The following FBXO31 variants were observed in gnomAD, a reference collection of about 807,000 sequenced individuals.
The protein encoded by FBXO31 is F-box protein 31, also known as F-box only protein 31.
In FBXO31, 24 loss-of-function variants were observed where a neutral mutation model predicts 54.4. That is an observed-to-expected ratio of 0.44 (90% CI 0.32 to 0.62). The LOEUF is 0.62. Ranked by LOEUF, FBXO31 falls within the 20% of genes least tolerant of loss-of-function variation. The pLI, the probability that FBXO31 is intolerant of heterozygous loss-of-function variation, is 0.05. For synonymous variants in FBXO31, 388 were observed against 335.6 expected (o/e 1.16, Z -1.71); for missense variants, 665 against 787.1 (o/e 0.84, Z 1.86).
Position 87,335,774 on chromosome 16 carries a change from T to A in FBXO31, c.843-317A>T, listed in dbSNP as rs1375721951. On this transcript the variant is annotated intron_variant, in intron 6 of 8. Transcript: ENST00000311635. The surrounding 1 kb of genome is among the most constrained non-coding windows in gnomAD (Gnocchi z 5.7). ...CAGGAGAAAGGAGCCCAAGTCACCA[T>A]GGAGGGGATCCCCGCACTGGGCTGA... 6.6e-6 allele frequency among the ~76,000 whole-genome samples: 1 copy of A among 152,102 alleles called. No individual in the cohort carries two copies. The highest frequency in any genetic ancestry group is 1.5e-5 in the Non-Finnish European group (1 of 67,974).
In FBXO31 at chr16:87,346,554, C is replaced by T. The variant is rs373344328; in HGVS notation, c.489+620G>A. On this transcript the variant is annotated intron_variant, in intron 3 of 8. Coordinates refer to ENST00000311635, the MANE Select transcript of FBXO31 (RefSeq NM_024735.5). This position sits in a 1 kb window ranked among gnomAD's most constrained non-coding sequence, Gnocchi z 4.2. ...AACGAACAGGAAAGAAATGTCCTCA[C>T]GGGTCCTCAGACCCCAACGGCAAGC... Among the ~76,000 whole-genome samples the T allele has an allele frequency of 1.3e-5, 2 of 152,308 alleles. No individual in the cohort carries two copies. Among genetic ancestry groups the T allele is most frequent in the South Asian group, 2.1e-4 (1 of 4,824 alleles).
chr16:87,363,105 C>G (rs141029627), intron 1 of FBXO31, among the ~76,000 whole-genome samples: 10 of 151,930 alleles, frequency 6.6e-5, no homozygotes, highest in African/African-American at 2.2e-4. Flanking sequence ...AAAACAAAAG[C>G]CGGGCGCGGT....
In FBXO31 at chr16:87,331,258, C is replaced by G. The variant is rs750671950; in HGVS notation, c.*30G>C. Reference sequence around the variant, plus strand: ...GTCAGAGTTCAGAGCCCCAGAGCCACCCGGGATGTGGCGGCAAGGATGTGG... The same window carrying G: ...GTCAGAGTTCAGAGCCCCAGAGCCAGCCGGGATGTGGCGGCAAGGATGTGG... On this transcript the variant is annotated 3_prime_UTR_variant, in exon 9 of 9. Transcript: ENST00000311635. 9 of 1,604,742 alleles carry G rather than the reference C, an allele frequency of 5.6e-6. No individual in the cohort carries two copies. Among genetic ancestry groups the G allele is most frequent in the South Asian group, 1.1e-5 (1 of 90,710 alleles).
At chr16:87,382,542 G>A (rs1369273373) in intron 1 of FBXO31, among the ~76,000 whole-genome samples, 1 of 152,174 alleles carries the variant, frequency 6.6e-6, no homozygotes, top group African/African-American at 2.4e-5. Flanking sequence ...GAAGGCAAAA[G>A]TCCAGCCCGC....
intron 2 of FBXO31, among the ~76,000 whole-genome samples, chr16:87,351,895 T>C (rs1905676714): frequency 6.6e-6 from 1 of 151,830 alleles, no homozygotes; most frequent in Non-Finnish European, 1.5e-5. Context: ...TATATATACA[T>C]CAGCTTCACA....
chr16:87,333,324 C>A (rs1904927715), intron 8 of FBXO31, among the ~76,000 whole-genome samples: 1 of 152,246 alleles, frequency 6.6e-6, no homozygotes, highest in Non-Finnish European at 1.5e-5. Flanking sequence ...GCCACCAAGG[C>A]ACTGGCCCGG....
At position 87,379,400 on chromosome 16, in the gene FBXO31, G is replaced by A. The variant is rs143142839; in HGVS notation, c.340+4005C>T. Among the ~76,000 whole-genome samples, 592 of 152,292 alleles carry A rather than the reference G, an allele frequency of 3.9e-3. 5 individuals are homozygous for A. The highest frequency in any genetic ancestry group is 0.014 in the African/African-American group (570 of 41,556). On this transcript the variant is annotated intron_variant, in intron 1 of 8. Transcript: ENST00000311635. ...TGGGGTAGGTACAAGGAGTGTGGAG[G>A]AATTCATCTTAAACAGGCTTGTTTA... is the stretch of plus-strand genomic sequence containing the variant.
At chr16:87,374,100 G>C (rs918871164) in intron 1 of FBXO31, among the ~76,000 whole-genome samples, 1 of 152,120 alleles carries the variant, frequency 6.6e-6, no homozygotes. Flanking sequence ...AATGTAGCCA[G>C]GTGTGGTGGC....
chr16:87,349,531 G>A lies in FBXO31; in HGVS notation c.413-2281C>T, dbSNP rs183153723. Among the ~76,000 whole-genome samples the A allele has an allele frequency of 6.4e-3, 976 of 152,276 alleles. 4 individuals carry two copies. Among genetic ancestry groups the A allele is most frequent in the Middle Eastern group, 0.014 (4 of 294 alleles). On this transcript the variant is annotated intron_variant, in intron 2 of 8. Transcript: ENST00000311635. The stretch of plus-strand genomic sequence containing the variant: ...TCGAGACCAGCCTGGCCAACATGGT[G>A]AAACCCCGTCTCTACTTAAAATACA...
At chr16:87,347,427 C>G (rs1286852925) in intron 2 of FBXO31, among the ~76,000 whole-genome samples, 177 bp from the exon 3 acceptor site, 1 of 152,162 alleles carries the variant, frequency 6.6e-6, no homozygotes, top group African/African-American at 2.4e-5. Context: ...GGTGCGGTGG[C>G]TCACGCCTTT....
chr16:87,384,042 C>G (rs954882786), upstream of FBXO31: 1 of 182,406 alleles, frequency 5.5e-6, no homozygotes, highest in Non-Finnish European at 1.1e-5. Flanking sequence ...GAGGCTCGAA[C>G]TCACGACCTT....
intron 1 of FBXO31, among the ~76,000 whole-genome samples, chr16:87,375,241 A>G (rs1180968910): frequency 6.6e-6 from 1 of 152,208 alleles, no homozygotes; most frequent in Non-Finnish European, 1.5e-5. Flanking sequence ...CGGGAGGCAG[A>G]GCTTGCAGTG....
intron 5 of FBXO31, among the ~76,000 whole-genome samples, chr16:87,339,981 C>T (rs751006777): frequency 3.3e-5 from 5 of 152,194 alleles, no homozygotes; most frequent in South Asian, 2.1e-4. Context: ...TAAAACATAG[C>T]GATAAAACTA....
At chr16:87,377,111 A>C (rs1906856624) in intron 1 of FBXO31, among the ~76,000 whole-genome samples, 1 of 152,246 alleles carries the variant, frequency 6.6e-6, no homozygotes, top group Admixed American at 6.5e-5. Flanking sequence ...TAAACTGATC[A>C]TTTAAGCATA....
chr16:87,381,374 C>T (rs1202705004), intron 1 of FBXO31, among the ~76,000 whole-genome samples: 1 of 152,158 alleles, frequency 6.6e-6, no homozygotes, highest in African/African-American at 2.4e-5. Context: ...CACTAGCTAC[C>T]ATTTAGGGGA....
At chr16:87,390,300 T>C (rs761757007), upstream of FBXO31, among the ~76,000 whole-genome samples, 5 of 151,936 alleles carry the variant, frequency 3.3e-5, no homozygotes, top group African/African-American at 7.3e-5. Flanking sequence ...ATAAATAAAA[T>C]AAACAGTGGT....
In FBXO31 at chr16:87,339,803, G is replaced by A. The variant is rs544752420; in HGVS notation, c.732+3074C>T. The stretch of plus-strand genomic sequence containing the variant: ...ACACAGCAAATAAACAAGATGAGCC[G>A]GGAACATTCCAAAATAGAAGAGGAA... On this transcript the variant is annotated intron_variant, in intron 5 of 8. Transcript: ENST00000311635. 1.2e-4 allele frequency among the ~76,000 whole-genome samples: 19 copies of A among 152,306 alleles called. No homozygotes were observed. In the East Asian group the frequency reaches 1.7e-3, roughly 14 times the overall value.
chr16:87,358,843 A>G lies in FBXO31; in HGVS notation c.412+1452T>C, dbSNP rs963155318. ...GAGGTGGGAGGGCAGGTGTCCTGGCAGGTGAGCATCTGGGATGACCGTCTA... is the reference window on the plus strand; with the variant it reads ...GAGGTGGGAGGGCAGGTGTCCTGGCGGGTGAGCATCTGGGATGACCGTCTA... On this transcript the variant is annotated intron_variant, in intron 2 of 8. Coordinates refer to ENST00000311635, the MANE Select transcript of FBXO31 (RefSeq NM_024735.5). This position sits in a 1 kb window ranked among gnomAD's most constrained non-coding sequence, Gnocchi z 4.0. Among the ~76,000 whole-genome samples, 2 of 152,156 alleles carry G rather than the reference A, an allele frequency of 1.3e-5. No homozygotes were observed. Among genetic ancestry groups the G allele is most frequent in the African/African-American group, 2.4e-5 (1 of 41,432 alleles).
intron 4 of FBXO31, 104 bp downstream of exon 4, chr16:87,343,494 G>T: frequency 7.1e-7 from 1 of 1,399,754 alleles, no homozygotes. Flanking sequence ...CCGCCGATCT[G>T]CTACAGCCCA....
Sources: allele counts gnomAD v4.1 joint callset (sites outside exome capture counted in the v4.1 genomes callset), GRCh38; gene constraint gnomAD v4.1.1; non-coding constraint Gnocchi (gnomAD v3.1); transcripts MANE v1.5; gene names NCBI Gene and HGNC (gene_info 2026-07-23, HGNC 2026-07-21).